The following OR4K1 variants were observed in gnomAD, a reference collection of about 807,000 sequenced individuals.
OR4K1 encodes the protein olfactory receptor family 4 subfamily K member 1, also known as olfactory receptor 4K1.
Under a neutral mutation model 14.4 loss-of-function variants are expected in OR4K1, and 16 were observed. That is an observed-to-expected ratio of 1.11 (90% CI 0.75 to 1.68). OR4K1 has a LOEUF of 1.68. OR4K1 is among the 40% of genes most tolerant of loss of function. The pLI is 0.00. For synonymous variants in OR4K1, 181 were observed against 133.1 expected, an observed-to-expected ratio of 1.36 and a Z score of -2.48; for missense variants, 548 against 376.9, an observed-to-expected ratio of 1.45 and a Z score of -3.76.
At chr14:19,926,816 T>C (rs555959188), upstream of OR4K1, among the ~76,000 whole-genome samples, 1 of 152,372 alleles carries the variant, frequency 6.6e-6, no homozygotes, top group South Asian at 2.1e-4. Flanking sequence ...GGACATTGTG[T>C]AGATTATTTA....
At chr14:19,925,061 C>CT in the OR4K1 span, among the ~76,000 whole-genome samples, 25 of 151,690 alleles carry the variant, frequency 1.6e-4, no homozygotes, top group Admixed American at 2.0e-4. Context: ...ATTAAAAATT[C>CT]TTTTTTTTTC....
chr14:19,921,454 A>G, the OR4K1 span: 1 of 1,614,020 alleles, frequency 6.2e-7, no homozygotes, highest in Non-Finnish European at 8.5e-7. Context: ...CCCGTCCTAA[A>G]CCCCATTATT....
intron 1 of OR4K1, among the ~76,000 whole-genome samples, chr14:19,932,333 T>TTCCTCC (rs113089255): frequency 2.0e-5 from 3 of 151,624 alleles, no homozygotes; most frequent in Admixed American, 1.3e-4. Flanking sequence ...TCCTTTTTTC[T>TTCCTCC]TCCTCCTCCT....
the OR4K1 span, among the ~76,000 whole-genome samples, chr14:19,922,561 T>C: frequency 0.75 from 112,736 of 151,158 alleles, 38,551 homozygotes; most frequent in East Asian, 0.81. Flanking sequence ...TTATTTCTTC[T>C]TTGGTTTCTC....
At chr14:19,929,319 TTAAAA>T (rs1402337532), upstream of OR4K1, among the ~76,000 whole-genome samples, 9 of 148,708 alleles carry the variant, frequency 6.1e-5, no homozygotes, top group African/African-American at 1.7e-4. Flanking sequence ...ATATATATAA[TTAAAA>T]TAATATAATA....
the OR4K1 span, chr14:19,920,789 T>A: frequency 6.2e-7 from 1 of 1,614,204 alleles, no homozygotes; most frequent in Non-Finnish European, 8.5e-7. Flanking sequence ...CTATGTACTT[T>A]CTCTTGGGAA....
At chr14:19,924,070 C>T in the OR4K1 span, among the ~76,000 whole-genome samples, 7 of 152,264 alleles carry the variant, frequency 4.6e-5, no homozygotes, top group Admixed American at 3.3e-4. Flanking sequence ...TATTTATGCA[C>T]TAAAGTGAAA....
rs1882323928 is a variant in OR4K1, at chr14:19,936,382, C to T, written c.716C>T (p.Thr239Ile). ...SSSGSSKALS[T>I]LTAHITVVIL... is the part of the protein sequence containing the mutation. ...AGTGGGTCATCTAAGGCTCTTTCTACATTAACTGCCCACATCACAGTGGTC... is the reference window on the plus strand; with the variant it reads ...AGTGGGTCATCTAAGGCTCTTTCTATATTAACTGCCCACATCACAGTGGTC... The change falls in exon 2 of 2, where the codon ACA becomes ATA. Residue 239 changes from threonine to isoleucine, a missense_variant. Transcript: ENST00000641172. The T allele has an allele frequency of 2.5e-6, 4 of 1,614,244 alleles. No homozygotes were observed. The highest frequency in any genetic ancestry group is 1.6e-4 in the Middle Eastern group (1 of 6,062).
At chr14:19,928,736 T>G (rs556546830), upstream of OR4K1, among the ~76,000 whole-genome samples, 21 of 152,290 alleles carry the variant, frequency 1.4e-4, no homozygotes, top group East Asian at 4.0e-3. Flanking sequence ...TATGTTGACA[T>G]TTTTTCAATC....
intron 1 of OR4K1, among the ~76,000 whole-genome samples, chr14:19,933,389 T>C (rs567882977): frequency 6.6e-6 from 1 of 152,204 alleles, no homozygotes; most frequent in African/African-American, 2.4e-5. Flanking sequence ...TCTTTAGGAA[T>C]TTTTTTACTC....
At chr14:19,934,232 A>AG (rs1226030939) in intron 1 of OR4K1, among the ~76,000 whole-genome samples, 23 of 152,358 alleles carry the variant, frequency 1.5e-4, no homozygotes, top group African/African-American at 4.3e-4. Flanking sequence ...CACTTCAGGA[A>AG]GGGTGTGTAG....
the OR4K1 span, chr14:19,921,528 C>A: frequency 1.2e-6 from 2 of 1,613,448 alleles, no homozygotes; most frequent in Non-Finnish European, 1.7e-6. Context: ...TTACCTGAGG[C>A]CAAGGAGAAT....
the OR4K1 span, among the ~76,000 whole-genome samples, chr14:19,923,137 A>T: frequency 1.3e-5 from 2 of 152,258 alleles, no homozygotes; most frequent in Non-Finnish European, 2.9e-5. Context: ...AAATATGTAG[A>T]AATCAGACTT....
intron 1 of OR4K1, among the ~76,000 whole-genome samples, chr14:19,934,033 C>G (rs2792150): frequency 0.82 from 124,622 of 152,148 alleles, 50,269 homozygotes; most frequent in East Asian, 0.97. Context: ...TTTGGTTTAC[C>G]ATTACCTATA....
chr14:19,921,420 GC>G, the OR4K1 span: 1 of 1,614,032 alleles, frequency 6.2e-7, no homozygotes, highest in Non-Finnish European at 8.5e-7. Context: ...TAAATTTCTT[GC>G]CATATTTTAC....
upstream of OR4K1, among the ~76,000 whole-genome samples, chr14:19,926,525 G>C (rs1320474633): frequency 6.6e-6 from 1 of 152,192 alleles, no homozygotes; most frequent in East Asian, 1.9e-4. Context: ...AATACGCTAG[G>C]GCAGGCTAGA....
chr14:19,930,229 T>G (rs997488838), upstream of OR4K1, among the ~76,000 whole-genome samples: 24 of 152,208 alleles, frequency 1.6e-4, no homozygotes, highest in African/African-American at 5.5e-4. Context: ...GTGAATGTTT[T>G]ACTAAGGTGT....
Position 19,936,231 on chromosome 14 carries a change from T to C in OR4K1, c.565T>C (p.Cys189Arg), listed in dbSNP as rs201484529. The part of the protein sequence containing the change: ...CDLPLVIELA[C>R]MDTYEMEIMT... ...CCTTCCCTTGGTGATAGAGCTGGCT[T>C]GCATGGATACATATGAAATGGAAAT... The change falls in exon 2 of 2, where the codon TGC becomes CGC. Residue 189 changes from cysteine to arginine, a missense_variant. By Grantham distance (180) the Cys-to-Arg change is radical. Coordinates refer to ENST00000641172, the MANE Select transcript of OR4K1 (RefSeq NM_001004063.3). 202 of 1,614,198 alleles carry C rather than the reference T, an allele frequency of 1.3e-4. No individual in the cohort carries two copies. Among genetic ancestry groups the C allele is most frequent in the Admixed American group, 3.2e-4 (19 of 60,024 alleles).
In OR4K1 at chr14:19,935,946, T is replaced by C; in HGVS notation, c.280T>C (p.Phe94Leu). 1.2e-6 allele frequency: 2 copies of C among 1,614,220 alleles called. No individual in the cohort carries two copies. The highest frequency in any genetic ancestry group is 1.7e-6 in the Non-Finnish European group (2 of 1,180,026). Residue 94 changes from phenylalanine (F) to leucine (L), a missense_variant, in exon 2 of 2, where the codon TTT (phenylalanine) becomes CTT (leucine). Coordinates refer to ENST00000641172, the MANE Select transcript of OR4K1 (RefSeq NM_001004063.3). Reference protein sequence around the residue: ...DFFIERKTISFEGCMAQIFVL... With the variant: ...DFFIERKTISLEGCMAQIFVL... Reference sequence around the variant, plus strand: ...TTTTATTGAGCGCAAGACTATCTCCTTTGAGGGTTGCATGGCCCAGATATT... The same window carrying C: ...TTTTATTGAGCGCAAGACTATCTCCCTTGAGGGTTGCATGGCCCAGATATT...
Sources: allele counts gnomAD v4.1 joint callset (sites outside exome capture counted in the v4.1 genomes callset), GRCh38; gene constraint gnomAD v4.1.1; transcripts MANE v1.5; gene names NCBI Gene and HGNC (gene_info 2026-07-23, HGNC 2026-07-21).